The following FBXL17 variants were observed in gnomAD, a reference collection of about 807,000 sequenced individuals.
FBXL17 encodes F-box/LRR-repeat protein 17.
In FBXL17, 22 loss-of-function variants were observed where a neutral mutation model predicts 66.2. The observed-to-expected ratio is 0.33, with a 90% CI of 0.24 to 0.47. FBXL17 has a LOEUF of 0.47. Ranked by LOEUF, FBXL17 falls within the 20% of genes least tolerant of loss-of-function variation. The pLI is 1.00. For synonymous variants in FBXL17, 474 were observed against 400.5 expected, an observed-to-expected ratio of 1.18 and a Z score of -2.19; for missense variants, 878 against 948.2, an observed-to-expected ratio of 0.93 and a Z score of 0.97.
chr5:108,214,003 C>T (rs1198434990), intron 5 of FBXL17, among the ~76,000 whole-genome samples: 2 of 152,176 alleles, frequency 1.3e-5, no homozygotes, highest in African/African-American at 4.8e-5. Flanking sequence ...TCTGCAGTTT[C>T]ACTTTCCACG....
chr5:107,962,252 G>A lies in FBXL17; in HGVS notation c.1822+58673C>T, dbSNP rs191562750. ...ACTTTATGTTACGTATACCTCACCA[G>A]TTAAAAATTATTTAAACCTATAAAA... is the stretch of plus-strand genomic sequence containing the variant. On this transcript the variant is annotated intron_variant, in intron 7 of 8. Transcript: ENST00000542267. Among the ~76,000 whole-genome samples the A allele has an allele frequency of 1.4e-3, 214 of 152,238 alleles. 1 individual carries two copies. The highest frequency in any genetic ancestry group is 2.3e-3 in the Admixed American group (35 of 15,284).
At chr5:108,184,600 C>G (rs1442364396) in intron 6 of FBXL17, among the ~76,000 whole-genome samples, 2 of 151,768 alleles carry the variant, frequency 1.3e-5, no homozygotes, top group Non-Finnish European at 2.9e-5. Context: ...AGCCACCGTG[C>G]CCAGCCAGTG....
At chr5:108,027,063 A>T (rs1051071563) in intron 6 of FBXL17, among the ~76,000 whole-genome samples, 1 of 152,186 alleles carries the variant, frequency 6.6e-6, no homozygotes, top group Admixed American at 6.6e-5. Flanking sequence ...AGCAATGAAA[A>T]AGTAATATAC....
intron 6 of FBXL17, among the ~76,000 whole-genome samples, chr5:108,067,162 T>C (rs1050991426): frequency 3.3e-5 from 5 of 152,162 alleles, no homozygotes; most frequent in Non-Finnish European, 7.4e-5. Context: ...ATTAATAATT[T>C]ACACAACATA....
rs189794064 is a variant in FBXL17, at chr5:107,954,052, A to G, written c.1822+66873T>C. Among the ~76,000 whole-genome samples, 216 of 152,354 alleles carry G rather than the reference A, an allele frequency of 1.4e-3. 1 individual carries two copies. Among genetic ancestry groups the G allele is most frequent in the African/African-American group, 4.9e-3 (204 of 41,586 alleles). The stretch of plus-strand genomic sequence containing the variant: ...ATAAATTCTCACTGTGTTGAATCAC[A>G]TTTCTTTATAACTTGTTATTGGCTG... On this transcript the variant is annotated intron_variant, in intron 7 of 8. Coordinates refer to ENST00000542267, the MANE Select transcript of FBXL17 (RefSeq NM_001163315.3).
intron 4 of FBXL17, among the ~76,000 whole-genome samples, chr5:108,257,314 T>G (rs761137333): frequency 6.6e-6 from 1 of 152,184 alleles, no homozygotes; most frequent in Admixed American, 6.5e-5. Flanking sequence ...CATAAGTTGA[T>G]TTCTGATTAC....
intron 6 of FBXL17, among the ~76,000 whole-genome samples, chr5:108,091,150 TCAAAATTCTTCTCTAC>T: frequency 6.6e-6 from 1 of 152,302 alleles, no homozygotes; most frequent in South Asian, 2.1e-4. Context: ...TCTGTGTGAA[TCAAAATTCTTCTCTAC>T]AATATGCAGC....
chr5:108,369,997 A>G (rs1242337137), intron 1 of FBXL17, among the ~76,000 whole-genome samples: 1 of 152,184 alleles, frequency 6.6e-6, no homozygotes, highest in African/African-American at 2.4e-5. Flanking sequence ...GGAACCAGCA[A>G]TGGACAGGAC....
intron 6 of FBXL17, among the ~76,000 whole-genome samples, chr5:108,089,948 C>T (rs1259867311): frequency 1.3e-5 from 2 of 152,052 alleles, no homozygotes; most frequent in East Asian, 3.9e-4. Context: ...CCATCTCAGC[C>T]TCCCAAGGAG....
intron 4 of FBXL17, among the ~76,000 whole-genome samples, chr5:108,295,862 T>C (rs1453107349): frequency 6.6e-6 from 1 of 151,706 alleles, no homozygotes; most frequent in African/African-American, 2.4e-5. Flanking sequence ...GCGAGTGACA[T>C]TCTAAGGAAT....
intron 6 of FBXL17, among the ~76,000 whole-genome samples, chr5:108,182,833 G>T (rs549808373): frequency 3.3e-5 from 5 of 152,102 alleles, no homozygotes; most frequent in Admixed American, 3.3e-4. Context: ...AGAACTAGAA[G>T]ATTAGAAATC....
chr5:108,347,624 A>G (rs1447329862), intron 4 of FBXL17, among the ~76,000 whole-genome samples: 3 of 152,214 alleles, frequency 2.0e-5, no homozygotes, highest in Non-Finnish European at 4.4e-5. Flanking sequence ...TATCTAGACT[A>G]GGAAAACCCA....
chr5:108,261,986 G>C (rs910009543), intron 4 of FBXL17, among the ~76,000 whole-genome samples: 1 of 151,878 alleles, frequency 6.6e-6, no homozygotes, highest in African/African-American at 2.4e-5. Flanking sequence ...GATGAGATGG[G>C]GAGATGGGGG....
intron 5 of FBXL17, among the ~76,000 whole-genome samples, chr5:108,208,903 G>C (rs1020946485): frequency 1.3e-5 from 2 of 152,142 alleles, no homozygotes; most frequent in Non-Finnish European, 2.9e-5. Context: ...ACTTTGGGCA[G>C]TATGGCCATT....
chr5:108,296,134 G>A (rs1360481034), intron 4 of FBXL17, among the ~76,000 whole-genome samples: 2 of 151,740 alleles, frequency 1.3e-5, no homozygotes, highest in Non-Finnish European at 2.9e-5. Context: ...AAAGAATAAA[G>A]TTATTTCCAA....
chr5:108,299,930 C>T (rs1758510712), intron 4 of FBXL17: 1 of 530,062 alleles, frequency 1.9e-6, no homozygotes, highest in South Asian at 8.1e-5. Context: ...ATGTCCAAAT[C>T]TAGATCCTAC....
intron 4 of FBXL17, among the ~76,000 whole-genome samples, chr5:108,225,035 T>C (rs1755042527): frequency 6.6e-6 from 1 of 152,168 alleles, no homozygotes; most frequent in African/African-American, 2.4e-5. Flanking sequence ...CGATATCTAA[T>C]TCCAGAACAT....
At chr5:108,016,743 C>T (rs1580332695) in intron 7 of FBXL17, among the ~76,000 whole-genome samples, 1 of 151,878 alleles carries the variant, frequency 6.6e-6, no homozygotes, top group Non-Finnish European at 1.5e-5. Context: ...GACACACTTT[C>T]CTGAAGGAAG....
chr5:108,362,148 G>T (rs932256783), intron 3 of FBXL17, among the ~76,000 whole-genome samples: 6 of 152,066 alleles, frequency 3.9e-5, no homozygotes, highest in African/African-American at 1.2e-4. Context: ...ACATTTTGCT[G>T]ATAGTACTCT....
Sources: gnomAD v4.1 joint callset for allele counts (sites outside exome capture counted in the v4.1 genomes callset) on GRCh38, gnomAD v4.1.1 for gene constraint, MANE v1.5 for transcripts, NCBI Gene and HGNC (gene_info 2026-07-23, HGNC 2026-07-21) for gene names.